Variants in SLC28A1 observed in about 807,000 individuals in gnomAD.
SLC28A1 encodes the protein solute carrier family 28 member 1.
SLC28A1 carries 64 observed loss-of-function variants against 74.8 expected under a neutral mutation model. The ratio of observed to expected loss-of-function variants is 0.86; its 90% confidence interval spans 0.70 to 1.05. SLC28A1 has a LOEUF of 1.05. Ranked by LOEUF, SLC28A1 falls within the 50% of genes least tolerant of loss-of-function variation. The pLI is 0.00. For missense variants in SLC28A1, 828 were observed against 822.8 expected (o/e 1.01, Z -0.08); for synonymous variants, 359 against 335.0 (o/e 1.07, Z -0.78).
At chr15:84,947,180 G>A (rs1200666491), downstream of SLC28A1, among the ~76,000 whole-genome samples, 2 of 152,216 alleles carry the variant, frequency 1.3e-5, no homozygotes, top group African/African-American at 2.4e-5. Context: ...CCACAGAGTG[G>A]AGGCTTGGCC....
chr15:84,897,322 G>T (rs1189438345), intron 6 of SLC28A1, among the ~76,000 whole-genome samples: 2 of 151,956 alleles, frequency 1.3e-5, no homozygotes, highest in Non-Finnish European at 2.9e-5. Flanking sequence ...GGAGGCAGAG[G>T]TTGCAGTGAG....
At position 84,909,453 on chromosome 15, in the gene SLC28A1, C is replaced by A. The variant is rs142175507; in HGVS notation, c.795+658C>A. ...TAAAGGCACTGTTCTGTTTCAAAGA[C>A]CTTATTGTCTAATGGTGGAGCCCCA... On this transcript the variant is annotated intron_variant, in intron 9 of 18. Transcript: ENST00000394573. Among the ~76,000 whole-genome samples the A allele has an allele frequency of 3.9e-3, 589 of 152,260 alleles. 3 individuals carry two copies. Among genetic ancestry groups the A allele is most frequent in the African/African-American group, 0.013 (539 of 41,552 alleles).
At chr15:84,913,610 C>A (rs139984109) in intron 9 of SLC28A1, among the ~76,000 whole-genome samples, 1 of 152,230 alleles carries the variant, frequency 6.6e-6, no homozygotes, top group Non-Finnish European at 1.5e-5. Context: ...TGCTGGTCCA[C>A]GTGCTGAGAA....
At chr15:84,912,806 G>GCGCGCGCGCGCGCACA (rs764101004) in intron 9 of SLC28A1, among the ~76,000 whole-genome samples, 1 of 112,202 alleles carries the variant, frequency 8.9e-6, no homozygotes, top group African/African-American at 3.3e-5. Flanking sequence ...TTGCGCGCGC[G>GCGCGCGCGCGCGCACA]CACACACACA....
chr15:84,933,411 T>C, intron 13 of SLC28A1, 136 bp downstream of exon 13: 1 of 1,097,934 alleles, frequency 9.1e-7, no homozygotes, highest in Non-Finnish European at 1.3e-6. Flanking sequence ...TGCTCTGGTT[T>C]GGGCTTCATT....
At chr15:84,936,592 G>A (rs6496541) in intron 15 of SLC28A1, among the ~76,000 whole-genome samples, 137,384 of 152,260 alleles carry the variant, frequency 0.9, 62,207 homozygotes, top group African/African-American at 0.97. Context: ...ATTCAGTGCA[G>A]GGGTTGGCTC....
chr15:84,902,073 C>T (rs949020693), intron 6 of SLC28A1, among the ~76,000 whole-genome samples: 1 of 152,058 alleles, frequency 6.6e-6, no homozygotes, highest in African/African-American at 2.4e-5. Context: ...AGATAAATCT[C>T]AAAATAATTA....
At chr15:84,975,624 C>G in the SLC28A1 span, 1 of 448,618 alleles carries the variant, frequency 2.2e-6, no homozygotes, top group Non-Finnish European at 4.5e-6. Flanking sequence ...AAGAAGCATC[C>G]TTATATTTTT....
At chr15:84,935,850 C>T (rs775810469) in intron 15 of SLC28A1, among the ~76,000 whole-genome samples, 1 of 151,666 alleles carries the variant, frequency 6.6e-6, no homozygotes, top group Non-Finnish European at 1.5e-5. Flanking sequence ...ATGACTGCCA[C>T]ATCTACTCCA....
chr15:84,918,744 CCT>C, intron 10 of SLC28A1, 140 bp downstream of exon 10: 1 of 747,156 alleles, frequency 1.3e-6, no homozygotes, highest in Non-Finnish European at 2.4e-6. Context: ...TCCAGAGTCC[CCT>C]GTTCCCAGTG....
At chr15:84,928,063 A>C (rs1034496273) in intron 12 of SLC28A1, among the ~76,000 whole-genome samples, 1 of 152,200 alleles carries the variant, frequency 6.6e-6, no homozygotes, top group South Asian at 2.1e-4. Context: ...CCATTTCCAC[A>C]ATCTGGCTTA....
intron 9 of SLC28A1, among the ~76,000 whole-genome samples, chr15:84,912,797 T>TGCGCGCGCGC (rs148740007): frequency 3.5e-4 from 41 of 118,240 alleles, no homozygotes; most frequent in Admixed American, 1.2e-3. Flanking sequence ...TGCCAAATTT[T>TGCGCGCGCGC]GCGCGCGCGC....
intron 6 of SLC28A1, chr15:84,895,474 G>C: frequency 6.2e-7 from 1 of 1,610,958 alleles, no homozygotes; most frequent in Non-Finnish European, 8.5e-7. Context: ...CATCCCTGGA[G>C]GGGGATTCAG....
chr15:84,910,626 G>A (rs568821832), intron 9 of SLC28A1, among the ~76,000 whole-genome samples: 1 of 152,326 alleles, frequency 6.6e-6, no homozygotes, highest in African/African-American at 2.4e-5. Flanking sequence ...TACTTGGGAG[G>A]CTGAGGCAGG....
intron 4 of SLC28A1, 39 bp downstream of exon 4, chr15:84,888,899 G>A: frequency 6.9e-7 from 1 of 1,439,408 alleles, no homozygotes; most frequent in Non-Finnish European, 9.6e-7. Context: ...GGCCTGGGGT[G>A]GAGGCTGCTT....
chr15:84,909,320 A>G (rs1309250195), intron 9 of SLC28A1, among the ~76,000 whole-genome samples: 1 of 152,080 alleles, frequency 6.6e-6, no homozygotes, highest in Non-Finnish European at 1.5e-5. Flanking sequence ...TCAACCTACG[A>G]TCCCACTTTC....
chr15:84,965,903 A>AGGGGGGGGG, the SLC28A1 span, among the ~76,000 whole-genome samples: 2 of 117,760 alleles, frequency 1.7e-5, no homozygotes, highest in African/African-American at 6.7e-5. Context: ...GGAGGCGGGG[A>AGGGGGGGGG]GGGGGGGGAA....
chr15:84,928,645 A>G (rs1209746985), intron 12 of SLC28A1, among the ~76,000 whole-genome samples: 2 of 114,088 alleles, frequency 1.8e-5, no homozygotes, highest in Non-Finnish European at 3.6e-5. Flanking sequence ...TTTTTTTGAG[A>G]CAGAGTCTCC....
Position 84,884,750 on chromosome 15 carries a change from G to A in SLC28A1, c.-134G>A. On this transcript the variant is annotated splice_region_variant and 5_prime_UTR_variant, in exon 1 of 19. Coordinates refer to ENST00000394573, the MANE Select transcript of SLC28A1 (RefSeq NM_004213.5). Reference sequence around the variant, plus strand: ...TCCCTCTGGATGCTGACAGAAACAAGGGTGAGAGAAAAGGACAGTAGGAGA... The same window carrying A: ...TCCCTCTGGATGCTGACAGAAACAAAGGTGAGAGAAAAGGACAGTAGGAGA... 7.1e-6 allele frequency: 7 copies of A among 985,610 alleles called. No individual in the cohort carries two copies. Among genetic ancestry groups the A allele is most frequent in the Non-Finnish European group, 8.4e-6 (7 of 829,992 alleles). The allele number at this position is 985,610 out of a possible 1,614,324, so 61.1% of individuals were successfully genotyped here.
Sources: gnomAD v4.1 joint callset for allele counts (sites outside exome capture counted in the v4.1 genomes callset) on GRCh38, gnomAD v4.1.1 for gene constraint, MANE v1.5 for transcripts, NCBI Gene and HGNC (gene_info 2026-07-23, HGNC 2026-07-21) for gene names.